The following PTPRN2 variants were observed in gnomAD, a reference collection of about 807,000 sequenced individuals.
PTPRN2 encodes the protein protein tyrosine phosphatase receptor type N2, also known as receptor-type tyrosine-protein phosphatase N2.
A neutral mutation model predicts 118.8 loss-of-function variants in PTPRN2; 74 were observed. The observed-to-expected ratio is 0.62, with a 90% CI of 0.52 to 0.76. The LOEUF (loss-of-function observed/expected upper bound fraction) is 0.76, where lower values mean the gene tolerates loss of function less well. Ranked by LOEUF, PTPRN2 falls within the 30% of genes least tolerant of loss-of-function variation. The pLI is 0.00. For synonymous variants in PTPRN2, 641 were observed against 608.0 expected, an observed-to-expected ratio of 1.05 and a Z score of -0.80; for missense variants, 1,481 against 1,394.4, an observed-to-expected ratio of 1.06 and a Z score of -0.99.
chr7:158,480,512 C>T (rs1456743808), intron 2 of PTPRN2, among the ~76,000 whole-genome samples: 2 of 152,198 alleles, frequency 1.3e-5, no homozygotes, highest in African/African-American at 2.4e-5. Flanking sequence ...AAGAGCCGCA[C>T]CTCTCTCACT....
rs1585116028 is a variant in PTPRN2 at position 157,615,915 on chromosome 7, T to G, written c.2344+5447A>C. ...GTTCGGCCTCAGAATCAGCCGGCGC[T>G]GAGATGTGCACCTGGCAGGATGAAC... is the stretch of plus-strand genomic sequence containing the variant. On this transcript the variant is annotated intron_variant, in intron 15 of 22. Coordinates refer to ENST00000389418, the MANE Select transcript of PTPRN2 (RefSeq NM_002847.5). The surrounding 1 kb of genome is among the most constrained non-coding windows in gnomAD (Gnocchi z 4.3). The G allele has an allele frequency of 3.2e-6, 1 of 312,954 alleles. No individual in the cohort carries two copies. The highest frequency in any genetic ancestry group is 4.4e-5 in the Admixed American group (1 of 22,858). The allele number at this position is 312,954 out of a possible 1,614,324, so 19.4% of individuals were successfully genotyped here. A position where few individuals can be genotyped will look rare whatever the true frequency, so the allele number is the denominator to read the frequency against.
At chr7:158,242,661 G>A (rs1234019098) in intron 3 of PTPRN2, among the ~76,000 whole-genome samples, 6 of 152,168 alleles carry the variant, frequency 3.9e-5, no homozygotes, top group Admixed American at 2.0e-4. Flanking sequence ...ACATCCGTTC[G>A]TGGGCATTAT....
In PTPRN2 at chr7:157,737,557, C is replaced by T. The variant is rs146353923; in HGVS notation, c.1789-54620G>A. 3.5e-3 allele frequency among the ~76,000 whole-genome samples: 539 copies of T among 152,364 alleles called. 4 individuals are homozygous for T. Among genetic ancestry groups the T allele is most frequent in the African/African-American group, 0.012 (506 of 41,584 alleles). ...GTTATCCCCTGAGGCGAGGACGCAG[C>T]AGCAAGTTCCCATCCCCTGGCCTGG... is the stretch of plus-strand genomic sequence containing the variant. On this transcript the variant is annotated intron_variant, in intron 12 of 22. Transcript: ENST00000389418.
chr7:158,065,611 C>T (rs554462269), intron 11 of PTPRN2, among the ~76,000 whole-genome samples: 407 of 152,308 alleles, frequency 2.7e-3, no homozygotes, highest in Non-Finnish European at 3.7e-3. Context: ...CACCACCACA[C>T]GGCCCCCACG....
At chr7:157,733,507 G>A (rs1426609727) in intron 12 of PTPRN2, among the ~76,000 whole-genome samples, 1 of 36,240 alleles carries the variant, frequency 2.8e-5, no homozygotes, top group Non-Finnish European at 5.7e-5. Context: ...CGTCCCATGC[G>A]CCCAGCACAG....
At position 157,874,898 on chromosome 7, in the gene PTPRN2, C is replaced by T. The variant is rs1176261871; in HGVS notation, c.1788+23775G>A. ...ATACACACACGGAGACACACTCGTG[C>T]ACATACACACACACTCATGCACATA... On this transcript the variant is annotated intron_variant, in intron 12 of 22. Transcript: ENST00000389418. This position sits in a 1 kb window ranked among gnomAD's most constrained non-coding sequence, Gnocchi z 5.8. 6.6e-6 allele frequency among the ~76,000 whole-genome samples: 1 copy of T among 152,014 alleles called. No homozygotes were observed. Among genetic ancestry groups the T allele is most frequent in the Admixed American group, 6.5e-5 (1 of 15,284 alleles).
Position 158,179,797 on chromosome 7 carries a change from CAT to C in PTPRN2, c.550-12508_550-12507del, listed in dbSNP as rs1452080372. ...CCATAAGTCTCACCCACCAATATGC[CAT>C]GTCAGTTTACACTTGCCATGACAAC... On this transcript the variant is annotated intron_variant, in intron 5 of 22. Coordinates refer to ENST00000389418, the MANE Select transcript of PTPRN2 (RefSeq NM_002847.5). Among the ~76,000 whole-genome samples, 9 of 152,270 alleles carry C rather than the reference CAT, an allele frequency of 5.9e-5. 1 individual carries two copies. The East Asian group carries it at 1.7e-3, about 29-fold the overall frequency.
chr7:158,205,743 G>A (rs976771846), intron 3 of PTPRN2, among the ~76,000 whole-genome samples: 1 of 152,206 alleles, frequency 6.6e-6, no homozygotes, highest in African/African-American at 2.4e-5. Context: ...TGCAGTGGCT[G>A]TGTGCCCCAG....
intron 2 of PTPRN2, among the ~76,000 whole-genome samples, chr7:158,336,688 C>CAA (rs1805617436): frequency 1.1e-5 from 1 of 94,900 alleles, no homozygotes; most frequent in East Asian, 3.1e-4. Context: ...AGAGCTGACG[C>CAA]CCGCAGACGT....
At position 157,567,353 on chromosome 7, in the gene PTPRN2, C is replaced by T. The variant is rs941332611; in HGVS notation, c.2902+1549G>A. 3.9e-5 allele frequency among the ~76,000 whole-genome samples: 6 copies of T among 152,292 alleles called. No homozygotes were observed. In the South Asian group the frequency reaches 1.2e-3, roughly 32 times the overall value. On this transcript the variant is annotated intron_variant, in intron 21 of 22. Coordinates refer to ENST00000389418, the MANE Select transcript of PTPRN2 (RefSeq NM_002847.5). ...GTGTTTAAAATGACATTTGGTGGCA[C>T]AAAAACTGATTTCATTTCTCCCCAG...
intron 20 of PTPRN2, among the ~76,000 whole-genome samples, chr7:157,569,892 C>A (rs1365965085): frequency 1.3e-5 from 2 of 152,220 alleles, no homozygotes; most frequent in African/African-American, 4.8e-5. Flanking sequence ...TAAATGTTTC[C>A]ATTTCAAGAC....
intron 12 of PTPRN2, among the ~76,000 whole-genome samples, chr7:157,878,067 C>T (rs574879539): frequency 9.9e-4 from 151 of 152,348 alleles, no homozygotes; most frequent in Non-Finnish European, 1.6e-3. Context: ...AGGGCCTGCC[C>T]GTGTTCCTTC....
intron 2 of PTPRN2, among the ~76,000 whole-genome samples, chr7:158,320,487 G>A (rs1802912013): frequency 6.6e-6 from 1 of 151,448 alleles, no homozygotes; most frequent in African/African-American, 2.4e-5. Context: ...GAGCAGCTGT[G>A]ATGGCGCCCC....
chr7:158,285,122 C>T lies in PTPRN2; in HGVS notation c.277+31697G>A, dbSNP rs146657416. 1.5e-3 allele frequency among the ~76,000 whole-genome samples: 228 copies of T among 152,322 alleles called. 1 individual carries two copies. Among genetic ancestry groups the T allele is most frequent in the African/African-American group, 5.2e-3 (216 of 41,556 alleles). On this transcript the variant is annotated intron_variant, in intron 3 of 22. Transcript: ENST00000389418. ...TCTTGCTGTTGCTCTCAGTGGAAAACATACAATATTTCTGACGTGCCCAGG... is the reference window on the plus strand; with the variant it reads ...TCTTGCTGTTGCTCTCAGTGGAAAATATACAATATTTCTGACGTGCCCAGG...
At chr7:158,136,811 C>A (rs1040336852) in intron 7 of PTPRN2, 116 bp from the exon 8 acceptor site, 48 of 953,362 alleles carry the variant, frequency 5.0e-5, no homozygotes, top group Non-Finnish European at 7.2e-5. Context: ...GGTGTGATGA[C>A]GCTGGCCTAA....
At chr7:157,696,676 A>G (rs1339155764) in intron 12 of PTPRN2, among the ~76,000 whole-genome samples, 41 of 127,330 alleles carry the variant, frequency 3.2e-4, no homozygotes, top group South Asian at 8.2e-4. Flanking sequence ...TGCATACTGG[A>G]TCTTGGCAGA....
chr7:158,283,039 G>A (rs530520269), intron 3 of PTPRN2, among the ~76,000 whole-genome samples: 11 of 152,266 alleles, frequency 7.2e-5, no homozygotes, highest in East Asian at 3.9e-4. Flanking sequence ...ATCCCTCCTC[G>A]TGCTCCCACA....
At chr7:158,584,233 A>C (rs1179510217) in intron 1 of PTPRN2, among the ~76,000 whole-genome samples, 1 of 152,168 alleles carries the variant, frequency 6.6e-6, no homozygotes, top group Non-Finnish European at 1.5e-5. Flanking sequence ...GGCCTTTATA[A>C]AACTGCCCCC....
intron 11 of PTPRN2, among the ~76,000 whole-genome samples, chr7:158,074,380 T>A (rs1350813232): frequency 6.6e-6 from 1 of 152,182 alleles, no homozygotes; most frequent in Non-Finnish European, 1.5e-5. Context: ...ACTGTGTTTC[T>A]AACAGGTCCT....
Sources: gnomAD v4.1 joint callset for allele counts (sites outside exome capture counted in the v4.1 genomes callset) on GRCh38, gnomAD v4.1.1 for gene constraint, Gnocchi (gnomAD v3.1) non-coding constraint, MANE v1.5 for transcripts, NCBI Gene and HGNC (gene_info 2026-07-23, HGNC 2026-07-21) for gene names.